AOPEP: variants seen among roughly 807,000 people sequenced by gnomAD.
The protein encoded by AOPEP is aminopeptidase O (putative).
AOPEP carries 77 observed loss-of-function variants against 98.1 expected under a neutral mutation model. That is an observed-to-expected ratio of 0.78 (90% confidence interval 0.65 to 0.95). The LOEUF (loss-of-function observed/expected upper bound fraction) is 0.95. Ranked by LOEUF, AOPEP falls within the 40% of genes least tolerant of loss-of-function variation. AOPEP has a pLI of 0.00. For missense variants in AOPEP, 1,024 were observed against 1,024.7 expected (o/e 1.00, Z 0.01); for synonymous variants, 346 against 365.3 (o/e 0.95, Z 0.60).
the AOPEP span, among the ~76,000 whole-genome samples, chr9:95,106,676 T>C: frequency 2.6e-5 from 4 of 152,222 alleles, no homozygotes; most frequent in Non-Finnish European, 5.9e-5. Flanking sequence ...ACTGTTGCAG[T>C]GAATAGCATT....
chr9:95,060,363 G>C (rs1157595248), intron 13 of AOPEP, among the ~76,000 whole-genome samples: 3 of 152,150 alleles, frequency 2.0e-5, no homozygotes, highest in Admixed American at 6.5e-5. Context: ...ACATTTTCTG[G>C]TGTATGCGTG....
At chr9:95,003,630 T>C (rs1417875302) in intron 11 of AOPEP, among the ~76,000 whole-genome samples, 1 of 152,238 alleles carries the variant, frequency 6.6e-6, no homozygotes, top group African/African-American at 2.4e-5. Context: ...GTGCAAGATT[T>C]CCAAACCATT....
intron 13 of AOPEP, among the ~76,000 whole-genome samples, chr9:95,035,419 A>T (rs2133443920): frequency 6.6e-6 from 1 of 152,046 alleles, no homozygotes; most frequent in African/African-American, 2.4e-5. Context: ...AAGGTATCTA[A>T]GGTGGGTAGT....
At chr9:95,113,404 G>A in the AOPEP span, among the ~76,000 whole-genome samples, 1 of 152,180 alleles carries the variant, frequency 6.6e-6, no homozygotes, top group Non-Finnish European at 1.5e-5. Flanking sequence ...GAAAGAGGAA[G>A]CCAAAGAGTG....
intron 7 of AOPEP, among the ~76,000 whole-genome samples, chr9:94,933,876 T>C (rs552908552): frequency 1.3e-5 from 2 of 152,066 alleles, no homozygotes; most frequent in Admixed American, 6.6e-5. Flanking sequence ...GCCTCCCAAG[T>C]AGCTGGGACT....
At position 94,804,543 on chromosome 9, in the gene AOPEP, C is replaced by T. The variant is rs569469415; in HGVS notation, c.1364+3541C>T. 1.8e-3 allele frequency among the ~76,000 whole-genome samples: 276 copies of T among 152,290 alleles called. 1 individual carries two copies. The highest frequency in any genetic ancestry group is 6.5e-3 in the African/African-American group (272 of 41,564). On this transcript the variant is annotated intron_variant, in intron 5 of 16. Coordinates refer to ENST00000375315, the MANE Select transcript of AOPEP (RefSeq NM_001193329.3). ...GGGAAAATTGAGGGGAAAAAAATGA[C>T]TATAGTGTGGCCGATGACAGGTGAC...
At chr9:94,994,917 C>T (rs1047802256) in intron 11 of AOPEP, among the ~76,000 whole-genome samples, 1 of 152,194 alleles carries the variant, frequency 6.6e-6, no homozygotes, top group Non-Finnish European at 1.5e-5. Flanking sequence ...TGCCACTGCA[C>T]TCTATCCCGG....
At chr9:95,081,483 G>C (rs866134552) in intron 15 of AOPEP, among the ~76,000 whole-genome samples, 4 of 152,212 alleles carry the variant, frequency 2.6e-5, no homozygotes, top group East Asian at 1.9e-4. Flanking sequence ...TTCCAGCTGG[G>C]GTGGAGAGTG....
At chr9:95,131,972 T>G in the AOPEP span, among the ~76,000 whole-genome samples, 3 of 152,252 alleles carry the variant, frequency 2.0e-5, no homozygotes, top group African/African-American at 7.2e-5. Context: ...CTTAAGTTCT[T>G]ATTAGATAAA....
Position 94,924,241 on chromosome 9 carries a change from A to G in AOPEP, c.1554+66A>G, listed in dbSNP as rs2053994049. On this transcript the variant is annotated intron_variant, in intron 6 of 16. Transcript: ENST00000375315. Reference sequence around the variant, plus strand: ...AAATTCCATTTCTGGTCATTTGCTCACCCAACAGCTATGGACTGAGGGCCT... The same window carrying G: ...AAATTCCATTTCTGGTCATTTGCTCGCCCAACAGCTATGGACTGAGGGCCT... 4 of 1,273,708 alleles carry G rather than the reference A, an allele frequency of 3.1e-6. No homozygotes were observed. The African/African-American group carries it at 6.2e-5, about 20-fold the overall frequency. The allele number at this position is 1,273,708 out of a possible 1,614,324, so 78.9% of individuals were successfully genotyped here.
At chr9:95,073,457 A>G (rs1010618095) in intron 14 of AOPEP, among the ~76,000 whole-genome samples, 2 of 152,136 alleles carry the variant, frequency 1.3e-5, no homozygotes, top group African/African-American at 2.4e-5. Flanking sequence ...ATTTTAAAAA[A>G]AGAAAGAAGA....
At chr9:94,941,030 G>A (rs2056957489) in intron 7 of AOPEP, among the ~76,000 whole-genome samples, 1 of 152,156 alleles carries the variant, frequency 6.6e-6, no homozygotes, top group South Asian at 2.1e-4. Flanking sequence ...TACAAATGTA[G>A]AGCACAGGCA....
At chr9:94,909,094 G>A (rs7867856) in intron 5 of AOPEP, among the ~76,000 whole-genome samples, 146,720 of 152,246 alleles carry the variant, frequency 0.96, 70,728 homozygotes, top group African/African-American at 0.99. Context: ...TTGAGGCTTC[G>A]TAACGTGAGC....
chr9:94,739,809 C>G (rs955331541), intron 1 of AOPEP, among the ~76,000 whole-genome samples: 20 of 152,076 alleles, frequency 1.3e-4, no homozygotes, highest in Non-Finnish European at 2.4e-4. Context: ...TGTTCTTCTA[C>G]CCACTGAAAC....
chr9:94,868,055 A>G lies in AOPEP; in HGVS notation c.1365-55931A>G, dbSNP rs1588624163. On this transcript the variant is annotated intron_variant, in intron 5 of 16. Coordinates refer to ENST00000375315, the MANE Select transcript of AOPEP (RefSeq NM_001193329.3). ...GGAGATTTGCCTACAGACAGTGACC[A>G]CCAATTTAAAGATTTGTTGATGACT... Among the ~76,000 whole-genome samples, 3 of 152,316 alleles carry G rather than the reference A, an allele frequency of 2.0e-5. 1 individual carries two copies.
intron 5 of AOPEP, among the ~76,000 whole-genome samples, chr9:94,879,971 G>A (rs1040728880): frequency 2.6e-5 from 4 of 152,204 alleles, no homozygotes; most frequent in African/African-American, 4.8e-5. Context: ...GTGAATCCAC[G>A]CTTAACATTG....
chr9:94,863,453 T>A (rs1424851229), intron 5 of AOPEP, among the ~76,000 whole-genome samples: 2 of 151,154 alleles, frequency 1.3e-5, no homozygotes, highest in Non-Finnish European at 3.0e-5. Context: ...GCTAATTTTT[T>A]ATATTTTTAG....
chr9:95,083,511 G>C, intron 16 of AOPEP, among the ~76,000 whole-genome samples: 1 of 135,724 alleles, frequency 7.4e-6, no homozygotes, highest in African/African-American at 2.8e-5. Context: ...AGAGCACCTG[G>C]AGCACCCACA....
chr9:95,057,710 AT>A (rs564275068), intron 13 of AOPEP, among the ~76,000 whole-genome samples: 1 of 151,954 alleles, frequency 6.6e-6, no homozygotes, highest in Non-Finnish European at 1.5e-5. Context: ...TTGTTCACTG[AT>A]TTTTTTTCCC....
Sources: gnomAD v4.1 joint callset for allele counts (sites outside exome capture counted in the v4.1 genomes callset) on GRCh38, gnomAD v4.1.1 for gene constraint, MANE v1.5 for transcripts, NCBI Gene and HGNC (gene_info 2026-07-23, HGNC 2026-07-21) for gene names.